The following UBE2E3 variants were observed in gnomAD, a reference collection of about 807,000 sequenced individuals.
UBE2E3 encodes ubiquitin conjugating enzyme E2 E3, also known as ubiquitin-conjugating enzyme E2 E3.
A neutral mutation model predicts 23.6 loss-of-function variants in UBE2E3; 5 were observed. The ratio of observed to expected loss-of-function variants is 0.21; its 90% CI spans 0.11 to 0.44. UBE2E3 has a LOEUF of 0.44. UBE2E3 is among the 20% of genes least tolerant of loss of function. UBE2E3 has a pLI of 0.99. For synonymous variants in UBE2E3, 78 were observed against 87.5 expected (o/e 0.89, Z 0.60); for missense variants, 81 against 249.8 (o/e 0.32, Z 4.55).
At chr2:181,044,419 T>C (rs1390637162) in intron 3 of UBE2E3, among the ~76,000 whole-genome samples, 1 of 152,080 alleles carries the variant, frequency 6.6e-6, no homozygotes, top group Non-Finnish European at 1.5e-5. Flanking sequence ...ATGCCAAATA[T>C]CACTTCAGGG....
chr2:181,012,748 T>A (rs999562122), intron 3 of UBE2E3, among the ~76,000 whole-genome samples: 5 of 152,192 alleles, frequency 3.3e-5, no homozygotes, highest in African/African-American at 1.2e-4. Context: ...CAATCTAGGT[T>A]TTGAATTATG....
rs1206207155 is a variant in UBE2E3 at position 181,041,234 on chromosome 2, C to CAAAAAAAAAAA, written c.246-16450_246-16440dup. The stretch of plus-strand genomic sequence containing the variant: ...CTAACGACAGAGCAAGACTCCGTCT[C>CAAAAAAAAAAA]AAAAAAAAAAAAAAAAAAAGATAGA... On this transcript the variant is annotated intron_variant, in intron 3 of 5. Transcript: ENST00000410062. Among the ~76,000 whole-genome samples, 61 of 77,164 alleles carry CAAAAAAAAAAA rather than the reference C, an allele frequency of 7.9e-4. 6 individuals are homozygous for CAAAAAAAAAAA. Among genetic ancestry groups the CAAAAAAAAAAA allele is most frequent in the Middle Eastern group, 9.3e-3 (1 of 108 alleles). The allele number at this position is 77,164 out of a possible 152,430, so 50.6% of individuals were successfully genotyped here.
rs931289229 is a variant in UBE2E3, at chr2:181,060,790, C to G, written c.504C>G (p.Ser168=). Residue 168 remains serine, a synonymous_variant, in exon 5 of 6, where the codon TCC becomes TCG. Transcript: ENST00000410062. ...TISKVLLSIC[S]LLTDCNPADP... ...CAAAGGTTTTGCTGTCTATTTGTTC[C>G]CTTTTGACAGACTGCAACCCTGGTA... The G allele has an allele frequency of 6.2e-7, 1 of 1,603,746 alleles. No individual in the cohort carries two copies. The highest frequency in any genetic ancestry group is 1.4e-5 in the African/African-American group (1 of 73,874).
intron 3 of UBE2E3, among the ~76,000 whole-genome samples, chr2:181,045,208 C>G (rs1686634532): frequency 6.6e-6 from 1 of 152,144 alleles, no homozygotes; most frequent in Non-Finnish European, 1.5e-5. Flanking sequence ...GAGACGTTTT[C>G]TCATTTGATC....
intron 3 of UBE2E3, among the ~76,000 whole-genome samples, chr2:181,025,794 A>G (rs963288017): frequency 1.1e-4 from 17 of 151,944 alleles, no homozygotes; most frequent in African/African-American, 3.1e-4. Flanking sequence ...TGAGTTTCAT[A>G]CCAAGTCTTC....
chr2:181,001,469 A>G (rs1222226138), intron 3 of UBE2E3, among the ~76,000 whole-genome samples: 1 of 152,204 alleles, frequency 6.6e-6, no homozygotes, highest in Non-Finnish European at 1.5e-5. Flanking sequence ...AGGGTGGGAC[A>G]TCAAGAAGTG....
At chr2:181,050,141 A>AG (rs1489623773) in intron 3 of UBE2E3, among the ~76,000 whole-genome samples, 1 of 151,950 alleles carries the variant, frequency 6.6e-6, no homozygotes, top group African/African-American at 2.4e-5. Context: ...TACAAATTTT[A>AG]GGAAAAGAAT....
At chr2:181,011,153 C>T (rs968404690) in intron 3 of UBE2E3, among the ~76,000 whole-genome samples, 3 of 151,764 alleles carry the variant, frequency 2.0e-5, no homozygotes, top group Admixed American at 6.6e-5. Flanking sequence ...CTGTCTTAAT[C>T]TGTTTTGTGT....
At chr2:181,022,439 T>C (rs1280905714) in intron 3 of UBE2E3, among the ~76,000 whole-genome samples, 1 of 152,112 alleles carries the variant, frequency 6.6e-6, no homozygotes, top group Non-Finnish European at 1.5e-5. Flanking sequence ...GATCTTCTAG[T>C]TAATTATGTA....
chr2:181,027,331 A>G (rs1031284699), intron 3 of UBE2E3, among the ~76,000 whole-genome samples: 7 of 151,948 alleles, frequency 4.6e-5, no homozygotes, highest in Non-Finnish European at 8.8e-5. Flanking sequence ...GCTTTTCTGT[A>G]TAAGAGACTT....
At chr2:181,028,159 A>G (rs1269727975) in intron 3 of UBE2E3, among the ~76,000 whole-genome samples, 1 of 152,086 alleles carries the variant, frequency 6.6e-6, no homozygotes, top group Non-Finnish European at 1.5e-5. Flanking sequence ...TAATGTAATT[A>G]CCTATTAATG....
intron 3 of UBE2E3, among the ~76,000 whole-genome samples, chr2:181,026,266 A>T (rs538116373): frequency 2.0e-5 from 3 of 151,974 alleles, no homozygotes; most frequent in Non-Finnish European, 4.4e-5. Context: ...TTAGTATAGC[A>T]AATATAGATT....
In UBE2E3 at chr2:181,003,341, G is replaced by A. The variant is rs559238283; in HGVS notation, c.245+19248G>A. On this transcript the variant is annotated intron_variant, in intron 3 of 5. Transcript: ENST00000410062. ...CACATTATAGACAATCTTGCCATTA[G>A]CAGTACTCATGTTTCAGATGACCTC... 2.8e-4 allele frequency among the ~76,000 whole-genome samples: 42 copies of A among 152,234 alleles called. 1 individual carries two copies. In the South Asian group the frequency reaches 3.3e-3, roughly 12 times the overall value.
chr2:180,994,051 A>G (rs1306353673), intron 3 of UBE2E3, among the ~76,000 whole-genome samples: 3 of 152,172 alleles, frequency 2.0e-5, no homozygotes, highest in South Asian at 2.1e-4. Context: ...ATGGAATTCA[A>G]TGGCAGTTTT....
At position 181,009,624 on chromosome 2, in the gene UBE2E3, C is replaced by A. The variant is rs549066721; in HGVS notation, c.245+25531C>A. 2.6e-5 allele frequency among the ~76,000 whole-genome samples: 4 copies of A among 151,712 alleles called. No individual in the cohort carries two copies. In the East Asian group the frequency reaches 7.7e-4, roughly 29 times the overall value. On this transcript the variant is annotated intron_variant, in intron 3 of 5. Coordinates refer to ENST00000410062, the MANE Select transcript of UBE2E3 (RefSeq NM_006357.4). ...TAACCAAATATATTTCAGTATACAC[C>A]AAAATAAACACTTCACTGCTTGAGG...
chr2:181,051,928 T>A (rs961903550), intron 3 of UBE2E3, among the ~76,000 whole-genome samples: 1 of 151,914 alleles, frequency 6.6e-6, no homozygotes, highest in Non-Finnish European at 1.5e-5. Context: ...TGTTTTTAAG[T>A]CAAAAATACG....
chr2:181,060,978 G>T (rs1282536402), intron 5 of UBE2E3, among the ~76,000 whole-genome samples, 166 bp downstream of exon 5: 1 of 144,696 alleles, frequency 6.9e-6, no homozygotes. Flanking sequence ...AATGCCATTT[G>T]AAGTAGACTA....
rs150239843 is a variant in UBE2E3, at chr2:181,022,760, T to A, written c.246-34933T>A. Among the ~76,000 whole-genome samples, 416 of 152,128 alleles carry A rather than the reference T, an allele frequency of 2.7e-3. 3 individuals carry two copies. Among genetic ancestry groups the A allele is most frequent in the African/African-American group, 9.7e-3 (403 of 41,514 alleles). On this transcript the variant is annotated intron_variant, in intron 3 of 5. Coordinates refer to ENST00000410062, the MANE Select transcript of UBE2E3 (RefSeq NM_006357.4). Reference sequence around the variant, plus strand: ...AAAACAAAAAAAAAACCCCACAGGTTTACAGAAAGAGAGCTGAAACAGAAG... The same window carrying A: ...AAAACAAAAAAAAAACCCCACAGGTATACAGAAAGAGAGCTGAAACAGAAG...
chr2:181,060,510 A>G lies in UBE2E3; in HGVS notation c.379-155A>G, dbSNP rs146028112. On this transcript the variant is annotated intron_variant, in intron 4 of 5. Coordinates refer to ENST00000410062, the MANE Select transcript of UBE2E3 (RefSeq NM_006357.4). Reference sequence around the variant, plus strand: ...CAAAAAATTTTTTTCAACTGAGTCAAAAGCATTTAATTTTGTTATTAAACC... The same window carrying G: ...CAAAAAATTTTTTTCAACTGAGTCAGAAGCATTTAATTTTGTTATTAAACC... 1.6e-3 allele frequency among the ~76,000 whole-genome samples: 239 copies of G among 151,892 alleles called. 1 individual carries two copies. Among genetic ancestry groups the G allele is most frequent in the African/African-American group, 5.3e-3 (219 of 41,492 alleles).
Sources: gnomAD v4.1 joint callset for allele counts (sites outside exome capture counted in the v4.1 genomes callset) on GRCh38, gnomAD v4.1.1 for gene constraint, MANE v1.5 for transcripts, NCBI Gene and HGNC (gene_info 2026-07-23, HGNC 2026-07-21) for gene names.